Variants in ZNF578 observed in about 807,000 individuals in gnomAD.
The protein encoded by ZNF578 is Putative chemokine-related protein B42.
Under a neutral mutation model 8.3 loss-of-function variants are expected in ZNF578, and 8 were observed. The ratio of observed to expected loss-of-function variants is 0.96; its 90% CI spans 0.56 to 1.74. The LOEUF is 1.74. Ranked by LOEUF, ZNF578 falls within the 40% of genes most tolerant of loss-of-function variation. The pLI is 0.00. For missense variants in ZNF578, 726 were observed against 707.5 expected, an observed-to-expected ratio of 1.03 and a Z score of -0.30; for synonymous variants, 206 against 232.2, an observed-to-expected ratio of 0.89 and a Z score of 1.03.
At chr19:52,466,909 A>G (rs926749549) in intron 2 of ZNF578, among the ~76,000 whole-genome samples, 29 of 152,222 alleles carry the variant, frequency 1.9e-4, no homozygotes, top group African/African-American at 5.8e-4. Context: ...GTGTGTATAC[A>G]TAATGTGTGC....
rs143811534 is a variant in ZNF578, at chr19:52,496,325, G to GTTAT, written c.-20+4919_-20+4922dup. Among the ~76,000 whole-genome samples the GTTAT allele has an allele frequency of 1.2e-3, 171 of 146,210 alleles. 1 individual carries two copies. The highest frequency in any genetic ancestry group is 3.6e-3 in the African/African-American group (143 of 39,640). The stretch of plus-strand genomic sequence containing the variant: ...GCCACCACGCTCGGCCTCATTTGTT[G>GTTAT]TTATTTATTTATTTATTTATTTGAG... On this transcript the variant is annotated intron_variant, in intron 3 of 5. Coordinates refer to ENST00000421239, the MANE Select transcript of ZNF578 (RefSeq NM_001099694.2).
chr19:52,503,861 A>G (rs324746), intron 4 of ZNF578, among the ~76,000 whole-genome samples: 148,297 of 149,420 alleles, frequency 0.99, 73,597 homozygotes, highest in East Asian at 1. Context: ...GCAGTGGTGC[A>G]ATCTCAGCTC....
Position 52,512,069 on chromosome 19 carries a change from G to C in ZNF578, c.1688G>C (p.Gly563Ala). The C allele has an allele frequency of 6.2e-7, 1 of 1,613,794 alleles. No homozygotes were observed. The highest frequency in any genetic ancestry group is 1.1e-5 in the South Asian group (1 of 91,058). Residue 563 changes from glycine to alanine, a missense_variant, in exon 6 of 6, where the codon GGA becomes GCA. By Grantham distance (60) the Gly-to-Ala change is moderately conservative. Transcript: ENST00000421239. Reference sequence around the variant, plus strand: ...GCAAACCATACTAGAATTCATAGCGGAGAGAAACCTTACAAGTGTAATGAG... The same window carrying C: ...GCAAACCATACTAGAATTCATAGCGCAGAGAAACCTTACAAGTGTAATGAG... Reference protein sequence around the residue: ...YLANHTRIHSGEKPYKCNECG... With the variant: ...YLANHTRIHSAEKPYKCNECG...
At chr19:52,484,675 C>A (rs1336172375) in intron 2 of ZNF578, among the ~76,000 whole-genome samples, 1 of 151,924 alleles carries the variant, frequency 6.6e-6, no homozygotes, top group East Asian at 2.0e-4. Context: ...CTGTTCCTGC[C>A]TTAACTGATG....
At chr19:52,482,473 T>TA (rs915045584) in intron 2 of ZNF578, among the ~76,000 whole-genome samples, 10 of 151,638 alleles carry the variant, frequency 6.6e-5, no homozygotes, top group South Asian at 2.1e-4. Context: ...CCATCTCTAC[T>TA]AAAAAAATAC....
rs34222822 is a variant in ZNF578 at position 52,515,124 on chromosome 19, C to T, written c.*2970C>T. Reference sequence around the variant, plus strand: ...GATTACAGGTGCCCTCCACCACTCCCGGCTCATTTTTTGCATTTTTAGTAG... The same window carrying T: ...GATTACAGGTGCCCTCCACCACTCCTGGCTCATTTTTTGCATTTTTAGTAG... On this transcript the variant is annotated 3_prime_UTR_variant, in exon 6 of 6. Transcript: ENST00000421239. 0.26 allele frequency among the ~76,000 whole-genome samples: 39,044 copies of T among 151,302 alleles called. 5,349 individuals are homozygous for T. Among genetic ancestry groups the T allele is most frequent in the East Asian group, 0.48 (2,430 of 5,062 alleles).
At position 52,510,235 on chromosome 19, in the gene ZNF578, T is replaced by G. The variant is rs201057507; in HGVS notation, c.191-337T>G. ...GGTTTAAATATGAAGAGTATATATTTTTCTCTTCCTTGATGTGACAGTGAT... is the reference window on the plus strand; with the variant it reads ...GGTTTAAATATGAAGAGTATATATTGTTCTCTTCCTTGATGTGACAGTGAT... On this transcript the variant is annotated intron_variant, in intron 5 of 5. Coordinates refer to ENST00000421239, the MANE Select transcript of ZNF578 (RefSeq NM_001099694.2). Among the ~76,000 whole-genome samples the G allele has an allele frequency of 7.9e-5, 12 of 152,274 alleles. No individual in the cohort carries two copies. In the East Asian group the frequency reaches 2.1e-3, roughly 27 times the overall value.
intron 2 of ZNF578, among the ~76,000 whole-genome samples, chr19:52,469,342 G>A (rs1338920989): frequency 1.3e-5 from 2 of 151,698 alleles, no homozygotes; most frequent in Admixed American, 6.6e-5. Context: ...TGCATTTTTT[G>A]TATGATGTGG....
At position 52,454,535 on chromosome 19, in the gene ZNF578, G is replaced by C. The variant is rs553333905; in HGVS notation, c.-213+928G>C. 7 of 152,332 alleles carry C rather than the reference G, an allele frequency of 4.6e-5. No individual in the cohort carries two copies. The East Asian group carries it at 1.3e-3, about 29-fold the overall frequency. 9.4% of individuals were successfully genotyped at this position (152,332 alleles called of 1,614,324 possible). ...GTCTTCAGTATTTATTAATTTGCCA[G>C]AGTAGCTCACAGAACTCAGAAACGT... On this transcript the variant is annotated intron_variant, in intron 1 of 5. Coordinates refer to ENST00000421239, the MANE Select transcript of ZNF578 (RefSeq NM_001099694.2).
At chr19:52,507,312 T>A (rs1038144294) in intron 5 of ZNF578, among the ~76,000 whole-genome samples, 2 of 152,086 alleles carry the variant, frequency 1.3e-5, no homozygotes, top group African/African-American at 4.8e-5. Flanking sequence ...CACTTGAACC[T>A]GGGAGGTGGA....
chr19:52,492,143 G>A (rs1259926399), intron 3 of ZNF578, among the ~76,000 whole-genome samples: 2 of 122,316 alleles, frequency 1.6e-5, no homozygotes, highest in African/African-American at 6.1e-5. Context: ...GGGCGACAGA[G>A]AGAGATTCTG....
At chr19:52,488,567 C>T (rs62119307) in intron 2 of ZNF578, among the ~76,000 whole-genome samples, 25,929 of 149,360 alleles carry the variant, frequency 0.17, 2,561 homozygotes, top group East Asian at 0.36. Context: ...CGAGATTGCG[C>T]CACTGCACTC....
chr19:52,488,283 G>A (rs1181292008), intron 2 of ZNF578, among the ~76,000 whole-genome samples: 4 of 151,992 alleles, frequency 2.6e-5, no homozygotes, highest in Admixed American at 1.3e-4. Context: ...ATTAGGCTGC[G>A]GTGGCTCACA....
intron 4 of ZNF578, among the ~76,000 whole-genome samples, chr19:52,503,800 C>CTTTTTTTTT (rs59166209): frequency 2.2e-4 from 28 of 125,510 alleles, no homozygotes; most frequent in Non-Finnish European, 3.5e-4. Context: ...CCTGTGTTTG[C>CTTTTTTTTT]TTTTTTTTTT....
At chr19:52,469,028 A>G (rs964863028) in intron 2 of ZNF578, among the ~76,000 whole-genome samples, 1 of 152,162 alleles carries the variant, frequency 6.6e-6, no homozygotes, top group African/African-American at 2.4e-5. Flanking sequence ...ACAGCCTATC[A>G]TGGGACCTTT....
At chr19:52,504,085 C>T (rs532603843) in intron 4 of ZNF578, among the ~76,000 whole-genome samples, 58 of 151,210 alleles carry the variant, frequency 3.8e-4, no homozygotes, top group Non-Finnish European at 6.8e-4. Context: ...TGAGAGCCAC[C>T]GCCTGGCATT....
intron 2 of ZNF578, among the ~76,000 whole-genome samples, chr19:52,483,330 G>C (rs1793793665): frequency 6.6e-6 from 1 of 152,130 alleles, no homozygotes; most frequent in African/African-American, 2.4e-5. Context: ...CAGGAGAATT[G>C]CTTGAACCCG....
In ZNF578 at chr19:52,512,330, T is replaced by A. The variant is rs1469992770; in HGVS notation, c.*176T>A. 6.5e-7 allele frequency: 1 copy of A among 1,534,594 alleles called. No homozygotes were observed. The highest frequency in any genetic ancestry group is 1.1e-5 in the South Asian group (1 of 89,196). Reference sequence around the variant, plus strand: ...ACTTACCATCAGGCCATTCATGGTGTAGGGAAACTTGACTAATGTAATGAT... The same window carrying A: ...ACTTACCATCAGGCCATTCATGGTGAAGGGAAACTTGACTAATGTAATGAT... On this transcript the variant is annotated 3_prime_UTR_variant, in exon 6 of 6. Transcript: ENST00000421239.
chr19:52,494,295 T>C (rs1460344934), intron 3 of ZNF578, among the ~76,000 whole-genome samples: 1 of 151,296 alleles, frequency 6.6e-6, no homozygotes, highest in Non-Finnish European at 1.5e-5. Context: ...AAGACTAGCC[T>C]AGGCAAAATA....
Sources: allele counts gnomAD v4.1 joint callset (sites outside exome capture counted in the v4.1 genomes callset), GRCh38; gene constraint gnomAD v4.1.1; transcripts MANE v1.5; gene names NCBI Gene and HGNC (gene_info 2026-07-23, HGNC 2026-07-21).